SCFD2: variants seen among roughly 807,000 people sequenced by gnomAD.
SCFD2 encodes the protein sec1 family domain containing 2.
SCFD2 carries 54 observed loss-of-function variants against 58.9 expected under a neutral mutation model. The observed-to-expected ratio is 0.92, with a 90% CI of 0.74 to 1.15. The LOEUF is 1.15. SCFD2 is among the 50% of genes most tolerant of loss of function. The probability of loss-of-function intolerance (pLI) is 0.00; values close to 1 mark genes in which losing one functional copy is unlikely to be tolerated. For missense variants in SCFD2, 805 were observed against 836.6 expected (o/e 0.96, Z 0.47); for synonymous variants, 321 against 335.9 (o/e 0.96, Z 0.49).
chr4:53,253,947 A>C (rs1218983041), intron 4 of SCFD2, among the ~76,000 whole-genome samples: 1 of 151,948 alleles, frequency 6.6e-6, no homozygotes, highest in Non-Finnish European at 1.5e-5. Flanking sequence ...TTGCAGGAAC[A>C]TGGATGGAGC....
intron 4 of SCFD2, among the ~76,000 whole-genome samples, chr4:53,226,595 C>T (rs1729224854): frequency 1.3e-5 from 2 of 152,028 alleles, no homozygotes; most frequent in South Asian, 2.1e-4. Flanking sequence ...TTAATGAACA[C>T]GTACTATCTG....
intron 4 of SCFD2, among the ~76,000 whole-genome samples, chr4:53,199,965 C>T (rs1387055194): frequency 1.3e-5 from 2 of 148,178 alleles, no homozygotes; most frequent in Non-Finnish European, 3.0e-5. Context: ...AGAGTGAGAG[C>T]AAGAGAGGGA....
At chr4:53,005,709 G>C (rs1721957289) in intron 5 of SCFD2, among the ~76,000 whole-genome samples, 1 of 152,036 alleles carries the variant, frequency 6.6e-6, no homozygotes, top group Non-Finnish European at 1.5e-5. Context: ...CAATCAGAGA[G>C]ACACAAAGAG....
At chr4:53,284,738 T>C (rs1384232817) in intron 3 of SCFD2, among the ~76,000 whole-genome samples, 12 of 152,328 alleles carry the variant, frequency 7.9e-5, no homozygotes, top group African/African-American at 2.9e-4. Flanking sequence ...AATATCCTGC[T>C]CATAAAGACT....
intron 2 of SCFD2, among the ~76,000 whole-genome samples, chr4:53,319,182 T>G (rs1299123056): frequency 6.6e-6 from 1 of 152,080 alleles, no homozygotes; most frequent in Non-Finnish European, 1.5e-5. Context: ...TGGAATGGAG[T>G]GAAGAGTAAA....
At chr4:53,134,218 T>C (rs1725872878) in intron 5 of SCFD2, among the ~76,000 whole-genome samples, 1 of 152,176 alleles carries the variant, frequency 6.6e-6, no homozygotes, top group Non-Finnish European at 1.5e-5. Flanking sequence ...GGGCATAAAG[T>C]TTCAGGTATG....
intron 2 of SCFD2, among the ~76,000 whole-genome samples, chr4:53,342,081 T>C (rs1298408839): frequency 2.0e-5 from 3 of 152,172 alleles, no homozygotes; most frequent in African/African-American, 7.2e-5. Flanking sequence ...AACGTCATAA[T>C]GACAGGATCA....
chr4:52,896,520 A>G (rs1719017907), intron 7 of SCFD2, among the ~76,000 whole-genome samples: 1 of 152,042 alleles, frequency 6.6e-6, no homozygotes, highest in South Asian at 2.1e-4. Context: ...ATTGGTCTAT[A>G]TCTCTGTTTT....
intron 7 of SCFD2, among the ~76,000 whole-genome samples, chr4:52,900,063 C>A (rs1719143670): frequency 6.6e-6 from 1 of 151,900 alleles, no homozygotes; most frequent in South Asian, 2.1e-4. Flanking sequence ...AATTTTTTTT[C>A]AAAGTTTTTA....
intron 3 of SCFD2, among the ~76,000 whole-genome samples, chr4:53,307,066 C>T (rs998982086): frequency 6.6e-6 from 1 of 152,214 alleles, no homozygotes; most frequent in Admixed American, 6.5e-5. Context: ...ATAGGCCAAA[C>T]TCAAATGAGA....
At chr4:53,076,347 C>A (rs1401553160) in intron 5 of SCFD2, among the ~76,000 whole-genome samples, 1 of 152,130 alleles carries the variant, frequency 6.6e-6, no homozygotes, top group East Asian at 1.9e-4. Flanking sequence ...GAAAACCATA[C>A]CCTTGAACAG....
At chr4:53,095,404 T>C (rs1044072623) in intron 5 of SCFD2, among the ~76,000 whole-genome samples, 1 of 60,348 alleles carries the variant, frequency 1.7e-5, no homozygotes, top group African/African-American at 3.6e-5. Flanking sequence ...GCCTAAGGCA[T>C]AATCTGCTAT....
chr4:52,891,366 G>T (rs980731447), intron 7 of SCFD2, among the ~76,000 whole-genome samples: 1 of 152,286 alleles, frequency 6.6e-6, no homozygotes. Flanking sequence ...GGGTAAGTAA[G>T]GAAGGTGGTG....
intron 1 of SCFD2, among the ~76,000 whole-genome samples, chr4:53,353,136 C>G (rs904816086): frequency 1.3e-5 from 2 of 152,194 alleles, no homozygotes; most frequent in Admixed American, 1.3e-4. Flanking sequence ...TTTGTTCCTT[C>G]TGATGTTCGG....
chr4:53,140,356 T>C (rs1435903805), intron 5 of SCFD2, among the ~76,000 whole-genome samples: 1 of 106,590 alleles, frequency 9.4e-6, no homozygotes, highest in Non-Finnish European at 2.0e-5. Context: ...CAAAGAAAAA[T>C]AGTATGAGTA....
At chr4:52,908,302 C>T (rs151260895) in intron 6 of SCFD2, among the ~76,000 whole-genome samples, 52 of 152,324 alleles carry the variant, frequency 3.4e-4, no homozygotes, top group African/African-American at 1.2e-3. Flanking sequence ...GGGAGCCAGC[C>T]GCCTTATTGA....
chr4:52,938,391 C>A (rs772916615), intron 5 of SCFD2, among the ~76,000 whole-genome samples: 1 of 152,094 alleles, frequency 6.6e-6, no homozygotes. Flanking sequence ...TGCAGGAAAT[C>A]AATAAACACT....
At chr4:53,035,013 C>A (rs181572243) in intron 5 of SCFD2, among the ~76,000 whole-genome samples, 35 of 152,278 alleles carry the variant, frequency 2.3e-4, no homozygotes, top group Non-Finnish European at 2.5e-4. Context: ...GGCCACATAG[C>A]CAAGACAATT....
chr4:53,329,743 G>T (rs1438951834), intron 2 of SCFD2, among the ~76,000 whole-genome samples: 1 of 151,834 alleles, frequency 6.6e-6, no homozygotes. Flanking sequence ...AAGCTGGATG[G>T]AGAATGACTT....
Sources: gnomAD v4.1 joint callset for allele counts (sites outside exome capture counted in the v4.1 genomes callset) on GRCh38, gnomAD v4.1.1 for gene constraint, MANE v1.5 for transcripts, NCBI Gene and HGNC (gene_info 2026-07-23, HGNC 2026-07-21) for gene names.